The following CYP11A1 variants were observed in gnomAD, a reference collection of about 807,000 sequenced individuals.
CYP11A1 encodes the protein cytochrome P450 family 11 subfamily A member 1.
CYP11A1 carries 25 observed loss-of-function variants against 51.9 expected under a neutral mutation model. The ratio of observed to expected loss-of-function variants is 0.48; its 90% CI spans 0.35 to 0.67. The LOEUF (loss-of-function observed/expected upper bound fraction) is 0.67, where lower values mean the gene tolerates loss of function less well. CYP11A1 is among the 30% of genes least tolerant of loss of function. CYP11A1 has a pLI of 0.00. For missense variants in CYP11A1, 578 were observed against 680.9 expected (o/e 0.85, Z 1.68); for synonymous variants, 245 against 262.1 (o/e 0.93, Z 0.63).
intron 1 of CYP11A1, chr15:74,350,084 A>G: frequency 2.7e-6 from 1 of 373,398 alleles, no homozygotes; most frequent in African/African-American, 2.3e-5. Flanking sequence ...ATAATTTTAT[A>G]TTAGAGAGAG....
At chr15:74,358,270 T>C (rs143330817) in intron 1 of CYP11A1, among the ~76,000 whole-genome samples, 3,340 of 152,266 alleles carry the variant, frequency 0.022, 88 homozygotes, top group African/African-American at 0.066. Flanking sequence ...AGCCAGTTTT[T>C]CTCCTTCTCA....
chr15:74,342,666 C>A (rs766908000), intron 5 of CYP11A1, among the ~76,000 whole-genome samples: 7 of 152,274 alleles, frequency 4.6e-5, no homozygotes, highest in Middle Eastern at 6.8e-3. Context: ...TCTGATAGAG[C>A]AAGCCTCCAG....
At chr15:74,339,896 C>T (rs758672549) in intron 5 of CYP11A1, 143 bp from the exon 6 acceptor site, 6 of 753,988 alleles carry the variant, frequency 8.0e-6, no homozygotes, top group Non-Finnish European at 1.3e-5. Flanking sequence ...CCATCCTCTG[C>T]AAGAGCAAAA....
chr15:74,356,502 A>C (rs2060680836), intron 1 of CYP11A1: 1 of 152,168 alleles, frequency 6.6e-6, no homozygotes, highest in Non-Finnish European at 1.5e-5. Flanking sequence ...CTTAATCAAT[A>C]TGGAGGCTAC....
At chr15:74,339,426 C>CCAGG in intron 6 of CYP11A1, 111 bp from the exon 7 acceptor site, 1 of 1,415,044 alleles carries the variant, frequency 7.1e-7, no homozygotes, top group Admixed American at 1.8e-5. Flanking sequence ...CTGGGGGGAC[C>CCAGG]TGGGGGTAGG....
At chr15:74,363,111 T>A (rs565857117) in intron 1 of CYP11A1, 1 of 152,372 alleles carries the variant, frequency 6.6e-6, no homozygotes, top group East Asian at 1.9e-4. Context: ...GGCTACAGAC[T>A]CTAAATTCTC....
intron 1 of CYP11A1, chr15:74,365,850 G>A: frequency 1.0e-6 from 1 of 985,736 alleles, no homozygotes; most frequent in Non-Finnish European, 1.2e-6. Context: ...ATACCGGGTC[G>A]CTCCCTGCTT....
intron 1 of CYP11A1, among the ~76,000 whole-genome samples, chr15:74,353,895 T>C (rs1396745725): frequency 6.6e-6 from 1 of 152,202 alleles, no homozygotes; most frequent in Non-Finnish European, 1.5e-5. Flanking sequence ...CAAGCTACCT[T>C]TGTTGGGCCT....
chr15:74,359,263 C>A (rs1196787271), intron 1 of CYP11A1, among the ~76,000 whole-genome samples: 2 of 152,176 alleles, frequency 1.3e-5, no homozygotes, highest in Non-Finnish European at 2.9e-5. Context: ...TGCCCTTAAT[C>A]CTGCTTGAAG....
chr15:74,348,333 C>A (rs373249464), intron 1 of CYP11A1: 51 of 445,830 alleles, frequency 1.1e-4, no homozygotes, highest in African/African-American at 8.7e-4. Flanking sequence ...TTGCTGCTGT[C>A]CCACAGCACA....
In CYP11A1 at chr15:74,349,402, C is replaced by G. The variant is rs556582985; in HGVS notation, c.270-1347G>C. 8.5e-5 allele frequency among the ~76,000 whole-genome samples: 13 copies of G among 152,294 alleles called. No homozygotes were observed. In the South Asian group the frequency reaches 2.7e-3, roughly 32 times the overall value. On this transcript the variant is annotated intron_variant, in intron 1 of 8. Transcript: ENST00000268053. Reference sequence around the variant, plus strand: ...GCTCATGTGTGTGCATGTTCTCTCTCTCTCTCCTCTCATAGTGCTGCTTTA... The same window carrying G: ...GCTCATGTGTGTGCATGTTCTCTCTGTCTCTCCTCTCATAGTGCTGCTTTA...
Position 74,357,882 on chromosome 15 carries a change from T to A in CYP11A1, c.269+9435A>T, listed in dbSNP as rs143954605. Among the ~76,000 whole-genome samples, 1,089 of 152,366 alleles carry A rather than the reference T, an allele frequency of 7.1e-3. 11 individuals carry two copies. The highest frequency in any genetic ancestry group is 0.025 in the African/African-American group (1,052 of 41,572). On this transcript the variant is annotated intron_variant, in intron 1 of 8. Coordinates refer to ENST00000268053, the MANE Select transcript of CYP11A1 (RefSeq NM_000781.3). ...GTTCTCATAACTTCCAAAATCTATT[T>A]TCTTCCTCACACCTGATGCATATAC...
At position 74,343,010 on chromosome 15, in the gene CYP11A1, G is replaced by A. The variant is rs776900268; in HGVS notation, c.957C>T (p.Asn319=). ...SKMSFEDIKA[N]VTEMLAGGVD... is the part of the protein sequence containing the mutation. ...CCCCTCCTGCCAGCATCTCTGTGAC[G>A]TTGGCCTTGATGTCCTCGAAGGACA... is the stretch of plus-strand genomic sequence containing the variant. Residue 319 remains asparagine (N), a synonymous_variant, in exon 5 of 9, where the codon AAC becomes AAT. Coordinates refer to ENST00000268053, the MANE Select transcript of CYP11A1 (RefSeq NM_000781.3). 32 of 1,612,656 alleles carry A rather than the reference G, an allele frequency of 2.0e-5. No homozygotes were observed. Among genetic ancestry groups the A allele is most frequent in the Admixed American group, 6.7e-5 (4 of 60,006 alleles).
At chr15:74,349,996 G>A (rs556817251) in intron 1 of CYP11A1, among the ~76,000 whole-genome samples, 7 of 152,060 alleles carry the variant, frequency 4.6e-5, no homozygotes, top group Non-Finnish European at 1.0e-4. Context: ...AAAGGAAGAA[G>A]ATATAAATAA....
At chr15:74,348,328 G>A (rs1402693339) in intron 1 of CYP11A1, 3 of 459,332 alleles carry the variant, frequency 6.5e-6, no homozygotes, top group South Asian at 4.5e-5. Flanking sequence ...CACTGTTGCT[G>A]CTGTCCCACA....
At chr15:74,355,757 G>T (rs765873052) in intron 1 of CYP11A1, among the ~76,000 whole-genome samples, 2 of 152,214 alleles carry the variant, frequency 1.3e-5, no homozygotes, top group Non-Finnish European at 2.9e-5. Flanking sequence ...GCATAGTCAA[G>T]GTTAATGCTC....
In CYP11A1 at chr15:74,343,959, C is replaced by A. The variant is rs1351876984; in HGVS notation, c.659G>T (p.Gly220Val). The change falls in exon 4 of 9, where the codon GGG becomes GTG. Residue 220 changes from glycine to valine, a missense_variant. By Grantham distance (109) the Gly-to-Val change is moderately radical. Coordinates refer to ENST00000268053, the MANE Select transcript of CYP11A1 (RefSeq NM_000781.3). ...GGGGTTCACTACTTCCTCCAGCATC[C>A]CCTGGCGCTCCCCAAAAATGACGTT... ...ITNVIFGERQGMLEEVVNPEA... is the reference protein window; with the variant it reads ...ITNVIFGERQVMLEEVVNPEA... The A allele has an allele frequency of 6.2e-7, 1 of 1,613,962 alleles. No individual in the cohort carries two copies. The highest frequency in any genetic ancestry group is 8.5e-7 in the Non-Finnish European group (1 of 1,180,038).
At chr15:74,365,330 C>G (rs1388743335) in intron 1 of CYP11A1, 3 of 150,274 alleles carry the variant, frequency 2.0e-5, no homozygotes, top group African/African-American at 7.4e-5. Context: ...AAAAAAAAGG[C>G]CTTTCCTCCT....
At position 74,367,515 on chromosome 15, in the gene CYP11A1, C is replaced by T. The variant is rs1237883677; in HGVS notation, c.71G>A (p.Arg24Lys). ...CACCCTGAGACGCCCCAGCCCCTCC[C>T]TGGGGGCACTCAGAAAGGTCTGGCA... ...KGCQTFLSAPREGLGRLRVPT... is the reference protein window; with the variant it reads ...KGCQTFLSAPKEGLGRLRVPT... The change falls in exon 1 of 9, where the codon AGG becomes AAG. Residue 24 changes from arginine (R) to lysine (K), a missense_variant. Coordinates refer to ENST00000268053, the MANE Select transcript of CYP11A1 (RefSeq NM_000781.3). The T allele has an allele frequency of 1.2e-6, 2 of 1,614,160 alleles. No individual in the cohort carries two copies. Among genetic ancestry groups the T allele is most frequent in the South Asian group, 2.2e-5 (2 of 91,080 alleles).
Sources: gnomAD v4.1 joint callset for allele counts (sites outside exome capture counted in the v4.1 genomes callset) on GRCh38, gnomAD v4.1.1 for gene constraint, MANE v1.5 for transcripts, NCBI Gene and HGNC (gene_info 2026-07-23, HGNC 2026-07-21) for gene names.